Variants in IL1RAPL1 observed in about 807,000 individuals in gnomAD.
IL1RAPL1 encodes the protein interleukin 1 receptor accessory protein like 1.
In IL1RAPL1, 3 loss-of-function variants were observed where a neutral mutation model predicts 48.4. The observed-to-expected ratio is 0.06, with a 90% CI of 0.03 to 0.16. The LOEUF (loss-of-function observed/expected upper bound fraction) is 0.16. Among genes scored for constraint, IL1RAPL1 ranks in the 10% least tolerant of loss-of-function variants. The pLI, the probability that IL1RAPL1 is intolerant of heterozygous loss-of-function variation, is 1.00. For missense variants in IL1RAPL1, 349 were observed against 530.6 expected, an observed-to-expected ratio of 0.66 and a Z score of 3.36; for synonymous variants, 185 against 187.7, an observed-to-expected ratio of 0.99 and a Z score of 0.12.
At chrX:29,570,373 C>T (rs184970339) in intron 5 of IL1RAPL1, among the ~76,000 whole-genome samples, 84 of 112,099 alleles carry the variant, frequency 7.5e-4, no homozygotes, top group Middle Eastern at 4.6e-3. Context: ...TATTTTAATA[C>T]CAATAGACAT....
intron 1 of IL1RAPL1, among the ~76,000 whole-genome samples, chrX:28,654,505 T>G (rs1018989399): frequency 1.8e-5 from 2 of 112,245 alleles, no homozygotes; most frequent in African/African-American, 3.2e-5. Flanking sequence ...TATGTATTTT[T>G]ATAATTGTAA....
At chrX:29,073,527 T>C (rs1213588924) in intron 2 of IL1RAPL1, among the ~76,000 whole-genome samples, 1 of 111,738 alleles carries the variant, frequency 8.9e-6, no homozygotes, top group African/African-American at 3.2e-5. Flanking sequence ...AAGACTCTTT[T>C]CTTCTTATTA....
At chrX:29,379,443 A>G (rs1245342796) in intron 3 of IL1RAPL1, among the ~76,000 whole-genome samples, 2 of 112,132 alleles carry the variant, frequency 1.8e-5, no homozygotes, top group Non-Finnish European at 3.8e-5. Flanking sequence ...ACCTAAGGCC[A>G]TGCCCTACTG....
intron 1 of IL1RAPL1, among the ~76,000 whole-genome samples, chrX:28,719,293 G>C (rs191835003): frequency 6.7e-4 from 74 of 110,974 alleles, no homozygotes; most frequent in African/African-American, 2.4e-3. Context: ...GATAATAAAA[G>C]TGTAAAGAGC....
At chrX:29,377,157 T>C (rs894707893) in intron 3 of IL1RAPL1, among the ~76,000 whole-genome samples, 3 of 112,503 alleles carry the variant, frequency 2.7e-5, no homozygotes, top group African/African-American at 9.7e-5. Flanking sequence ...ATCTGTTTTA[T>C]CTAATACAAG....
At chrX:29,807,084 G>A (rs1930272884) in intron 6 of IL1RAPL1, among the ~76,000 whole-genome samples, 1 of 110,249 alleles carries the variant, frequency 9.1e-6, no homozygotes, top group African/African-American at 3.3e-5. Flanking sequence ...CCCAGTCTCC[G>A]GTATTTATAG....
chrX:29,164,266 T>G (rs1371452028), intron 2 of IL1RAPL1, among the ~76,000 whole-genome samples: 2 of 111,771 alleles, frequency 1.8e-5, no homozygotes, highest in East Asian at 5.6e-4. Context: ...TACTGCAAGA[T>G]AAGCTCCTTG....
chrX:29,033,913 C>G (rs1174005335), intron 2 of IL1RAPL1, among the ~76,000 whole-genome samples: 1 of 110,809 alleles, frequency 9.0e-6, no homozygotes, highest in Non-Finnish European at 1.9e-5. Context: ...CACACACACA[C>G]ACACACACAC....
intron 6 of IL1RAPL1, among the ~76,000 whole-genome samples, chrX:29,871,103 G>A (rs779098475): frequency 2.1e-4 from 23 of 111,589 alleles, no homozygotes; most frequent in Non-Finnish European, 4.0e-4. Context: ...TCAGTGTGTG[G>A]CCCCCTTTTT....
intron 1 of IL1RAPL1, among the ~76,000 whole-genome samples, chrX:28,727,280 T>C (rs1011571709): frequency 1.8e-5 from 2 of 109,187 alleles, no homozygotes; most frequent in South Asian, 8.2e-4. Flanking sequence ...CTAGGTATTT[T>C]ATTCTCTTTG....
intron 1 of IL1RAPL1, among the ~76,000 whole-genome samples, chrX:28,711,525 C>G (rs543770180): frequency 1.2e-4 from 13 of 109,740 alleles, no homozygotes; most frequent in Non-Finnish European, 2.1e-4. Context: ...AGCTGTGAGA[C>G]TGGATGAGGT....
intron 5 of IL1RAPL1, among the ~76,000 whole-genome samples, chrX:29,501,314 G>C (rs1384902344): frequency 9.0e-6 from 1 of 111,017 alleles, no homozygotes; most frequent in East Asian, 2.8e-4. Flanking sequence ...AATCCCATTT[G>C]TCTACTTTTG....
chrX:29,414,513 G>A (rs1241136799), intron 5 of IL1RAPL1, among the ~76,000 whole-genome samples: 1 of 110,858 alleles, frequency 9.0e-6, no homozygotes, highest in Non-Finnish European at 1.9e-5. Context: ...GAGCCCAGGA[G>A]TTTAAGACCA....
intron 2 of IL1RAPL1, among the ~76,000 whole-genome samples, chrX:29,207,925 C>T (rs1349555593): frequency 9.0e-6 from 1 of 111,633 alleles, no homozygotes; most frequent in Non-Finnish European, 1.9e-5. Context: ...TTTATAAATA[C>T]ATATATATTT....
intron 2 of IL1RAPL1, among the ~76,000 whole-genome samples, chrX:29,040,566 A>G (rs1475087479): frequency 8.9e-6 from 1 of 112,315 alleles, no homozygotes; most frequent in Non-Finnish European, 1.9e-5. Context: ...TTGAGTGTCA[A>G]AATTTAGGTC....
intron 2 of IL1RAPL1, among the ~76,000 whole-genome samples, chrX:29,262,719 T>C (rs1277561627): frequency 9.0e-6 from 1 of 111,669 alleles, no homozygotes. Flanking sequence ...CTCATGTTTT[T>C]ACTTCCATAC....
intron 6 of IL1RAPL1, among the ~76,000 whole-genome samples, chrX:29,685,439 G>A (rs368239461): frequency 2.1e-4 from 23 of 111,147 alleles, no homozygotes; most frequent in African/African-American, 7.2e-4. Context: ...GGATGCAGAG[G>A]CTGCAGTGAG....
intron 1 of IL1RAPL1, among the ~76,000 whole-genome samples, chrX:28,666,841 ACTTC>A (rs979667239): frequency 2.7e-5 from 3 of 111,750 alleles, no homozygotes; most frequent in South Asian, 3.7e-4. Context: ...AGTATTTGTG[ACTTC>A]CTTCAGTCAT....
At chrX:29,565,067 C>G (rs998456489) in intron 5 of IL1RAPL1, among the ~76,000 whole-genome samples, 3 of 111,807 alleles carry the variant, frequency 2.7e-5, no homozygotes, top group Non-Finnish European at 5.6e-5. Flanking sequence ...ACCTGACCCT[C>G]ATGCATCCCT....
Sources: gnomAD v4.1 joint callset for allele counts (sites outside exome capture counted in the v4.1 genomes callset) on GRCh38, gnomAD v4.1.1 for gene constraint, MANE v1.5 for transcripts, NCBI Gene and HGNC (gene_info 2026-07-23, HGNC 2026-07-21) for gene names.